The following KIF5C variants were observed in gnomAD, a reference collection of about 807,000 sequenced individuals.
The protein encoded by KIF5C is kinesin family member 5C.
A neutral mutation model predicts 125.2 loss-of-function variants in KIF5C; 18 were observed. The ratio of observed to expected loss-of-function variants is 0.14; its 90% confidence interval spans 0.10 to 0.21. The LOEUF is 0.21. Among genes scored for constraint, KIF5C ranks in the 10% least tolerant of loss-of-function variants. KIF5C has a pLI of 1.00. For missense variants in KIF5C, 780 were observed against 1,183.8 expected, an observed-to-expected ratio of 0.66 and a Z score of 5.01; for synonymous variants, 405 against 434.0, an observed-to-expected ratio of 0.93 and a Z score of 0.83.
chr2:148,999,152 C>CCCT (rs1459989652), intron 19 of KIF5C, among the ~76,000 whole-genome samples: 2 of 152,196 alleles, frequency 1.3e-5, no homozygotes, highest in Non-Finnish European at 2.9e-5. Flanking sequence ...CTCTGACATG[C>CCCT]CCTCTGCTCC....
intron 1 of KIF5C, among the ~76,000 whole-genome samples, chr2:148,910,133 T>C (rs569227600): frequency 1.2e-3 from 189 of 152,356 alleles, no homozygotes; most frequent in Non-Finnish European, 2.4e-3. Flanking sequence ...TTATCATAAA[T>C]GCTGCAGGGA....
At chr2:148,997,061 C>G (rs887978202) in intron 17 of KIF5C, among the ~76,000 whole-genome samples, 1 of 152,220 alleles carries the variant, frequency 6.6e-6, no homozygotes, top group Non-Finnish European at 1.5e-5. Flanking sequence ...CGCGCTCCCC[C>G]GTGGAAGGAA....
At chr2:148,902,800 T>G (rs1211408402) in intron 1 of KIF5C, among the ~76,000 whole-genome samples, 1 of 152,220 alleles carries the variant, frequency 6.6e-6, no homozygotes, top group Non-Finnish European at 1.5e-5. Context: ...CTTTAAACCT[T>G]TTCCCTGCAA....
chr2:148,931,696 A>C (rs1244654333), intron 3 of KIF5C, among the ~76,000 whole-genome samples: 1 of 152,152 alleles, frequency 6.6e-6, no homozygotes, highest in Non-Finnish European at 1.5e-5. Context: ...ATAAAATTAA[A>C]AACCAAAACC....
At chr2:149,009,270 G>A (rs888799021) in intron 23 of KIF5C, among the ~76,000 whole-genome samples, 1 of 152,072 alleles carries the variant, frequency 6.6e-6, no homozygotes, top group Non-Finnish European at 1.5e-5. Context: ...AATTACAGAC[G>A]TGAGCCACTG....
chr2:149,022,337 C>G (rs1682556721), intron 25 of KIF5C, among the ~76,000 whole-genome samples: 2 of 152,162 alleles, frequency 1.3e-5, no homozygotes, highest in African/African-American at 4.8e-5. Context: ...AAAGCAAAAT[C>G]AGGAAATCGG....
At chr2:148,934,609 T>A (rs1415058325) in intron 3 of KIF5C, among the ~76,000 whole-genome samples, 2 of 146,652 alleles carry the variant, frequency 1.4e-5, no homozygotes, top group African/African-American at 5.1e-5. Flanking sequence ...ACACCACATA[T>A]CACACATATA....
intron 7 of KIF5C, among the ~76,000 whole-genome samples, chr2:148,946,325 G>T (rs909272627): frequency 4.6e-5 from 7 of 152,266 alleles, no homozygotes; most frequent in Non-Finnish European, 8.8e-5. Flanking sequence ...ACGAGGATTT[G>T]CAAGGATTTT....
At chr2:148,980,485 A>T (rs1681200358) in intron 13 of KIF5C, among the ~76,000 whole-genome samples, 1 of 152,124 alleles carries the variant, frequency 6.6e-6, no homozygotes, top group Non-Finnish European at 1.5e-5. Flanking sequence ...TTAACTAAAG[A>T]TACTGTTTGG....
At position 148,983,619 on chromosome 2, in the gene KIF5C, G is replaced by A; in HGVS notation, c.1570-1G>A. 6.4e-7 allele frequency: 1 copy of A among 1,551,344 alleles called. No homozygotes were observed. On this transcript the variant is annotated splice_acceptor_variant, in intron 14 of 25. Coordinates refer to ENST00000435030, the MANE Select transcript of KIF5C (RefSeq NM_004522.3). LOFTEE classifies it high-confidence loss of function. ...ATTTGTTGTTGAAATTTGTTTTTCA[G>A]ACTACATTGACAACCACACAGAGAG...
chr2:148,972,070 G>T (rs1680930541), intron 11 of KIF5C, among the ~76,000 whole-genome samples: 1 of 152,084 alleles, frequency 6.6e-6, no homozygotes, highest in East Asian at 1.9e-4. Flanking sequence ...AAATAGCTGG[G>T]ATTACAGGTG....
At chr2:148,884,993 C>T (rs1231927594) in intron 1 of KIF5C, among the ~76,000 whole-genome samples, 2 of 139,528 alleles carry the variant, frequency 1.4e-5, no homozygotes, top group African/African-American at 2.7e-5. Context: ...TTTTTTGAGA[C>T]GGATTCTCAC....
chr2:148,947,390 G>C (rs1682543785), intron 8 of KIF5C: 1 of 202,922 alleles, frequency 4.9e-6, no homozygotes, highest in Non-Finnish European at 9.9e-6. Context: ...GACTCTAATA[G>C]GCCAGGAACG....
chr2:148,969,370 A>G (rs111578300), intron 11 of KIF5C, among the ~76,000 whole-genome samples: 186 of 152,056 alleles, frequency 1.2e-3, no homozygotes, highest in Non-Finnish European at 2.3e-3. Context: ...AGGTAATTAC[A>G]TCTGACGATA....
intron 10 of KIF5C, 81 bp downstream of exon 10, chr2:148,950,543 T>C: frequency 6.7e-7 from 1 of 1,499,282 alleles, no homozygotes; most frequent in African/African-American, 1.4e-5. Context: ...GTGCAATGGC[T>C]CACACCTGTA....
At position 149,023,611 on chromosome 2, in the gene KIF5C, C is replaced by T. The variant is rs1267228298; in HGVS notation, c.*541C>T. The T allele has an allele frequency of 6.6e-6, 1 of 152,630 alleles. No homozygotes were observed. The highest frequency in any genetic ancestry group is 2.4e-5 in the African/African-American group (1 of 41,448). 9.5% of individuals were successfully genotyped at this position (152,630 alleles called of 1,614,324 possible). ...AAAGACACATTTTGAATATCCTGGT[C>T]ACATCTTTGGATCTGTAAAATATAC... On this transcript the variant is annotated 3_prime_UTR_variant, in exon 26 of 26. Transcript: ENST00000435030.
At chr2:148,990,442 A>C (rs561199516) in intron 15 of KIF5C, among the ~76,000 whole-genome samples, 1 of 152,350 alleles carries the variant, frequency 6.6e-6, no homozygotes, top group East Asian at 1.9e-4. Context: ...GCCCTTTGGT[A>C]ATTCATAGTA....
At chr2:148,932,670 T>G (rs897720299) in intron 3 of KIF5C, among the ~76,000 whole-genome samples, 1 of 152,192 alleles carries the variant, frequency 6.6e-6, no homozygotes, top group Admixed American at 6.5e-5. Flanking sequence ...CTGATATAGA[T>G]GGATGGAGAC....
chr2:149,012,181 C>CT (rs1165636481), intron 25 of KIF5C, among the ~76,000 whole-genome samples: 1 of 152,154 alleles, frequency 6.6e-6, no homozygotes. Flanking sequence ...GTCCAGGATG[C>CT]TTTTTTCTTT....
Sources: allele counts gnomAD v4.1 joint callset (sites outside exome capture counted in the v4.1 genomes callset), GRCh38; gene constraint gnomAD v4.1.1; transcripts MANE v1.5; gene names NCBI Gene and HGNC (gene_info 2026-07-23, HGNC 2026-07-21).